EEPD1: variants seen among roughly 807,000 people sequenced by gnomAD.
The protein encoded by EEPD1 is endonuclease/exonuclease/phosphatase family domain-containing protein 1.
In EEPD1, 17 loss-of-function variants were observed where a neutral mutation model predicts 46.3. The ratio of observed to expected loss-of-function variants is 0.37; its 90% CI spans 0.25 to 0.55. The LOEUF (loss-of-function observed/expected upper bound fraction) is 0.55, where lower values mean the gene tolerates loss of function less well. Ranked by LOEUF, EEPD1 falls within the 20% of genes least tolerant of loss-of-function variation. The pLI, the probability that EEPD1 is intolerant of heterozygous loss-of-function variation, is 0.83. For missense variants in EEPD1, 673 were observed against 745.6 expected (o/e 0.90, Z 1.13); for synonymous variants, 313 against 315.6 (o/e 0.99, Z 0.09).
In EEPD1 at chr7:36,292,379, G is replaced by C. The variant is rs770631688; in HGVS notation, c.1315+4602G>C. Among the ~76,000 whole-genome samples the C allele has an allele frequency of 8.5e-3, 1,187 of 139,904 alleles. 8 individuals are homozygous for C. Among genetic ancestry groups the C allele is most frequent in the Non-Finnish European group, 0.012 (747 of 62,832 alleles). 91.8% of individuals were successfully genotyped at this position (139,904 alleles called of 152,430 possible). A position where few individuals can be genotyped will look rare whatever the true frequency, so the allele number is the denominator to read the frequency against. On this transcript the variant is annotated intron_variant, in intron 6 of 7. Transcript: ENST00000242108. ...TTTTTCTTTTCTTTTCTTTTGTTTT[G>C]TTTTCTTTTCTTTTCTTTCTTTCTT...
Position 36,248,320 on chromosome 7 carries a change from C to CA in EEPD1, c.930+9284_930+9285insA, listed in dbSNP as rs1786674348. ...CCTGAGCTCAAGCGATTTTACCCCC[C>CA]TCAGCCTCCCGACTAGCTGGAATTA... On this transcript the variant is annotated intron_variant, in intron 3 of 7. Coordinates refer to ENST00000242108, the MANE Select transcript of EEPD1 (RefSeq NM_030636.3). Among the ~76,000 whole-genome samples, 3 of 151,884 alleles carry CA rather than the reference C, an allele frequency of 2.0e-5. No individual in the cohort carries two copies. In the South Asian group the frequency reaches 6.2e-4, roughly 32 times the overall value.
At chr7:36,214,766 G>A (rs779467498) in intron 2 of EEPD1, among the ~76,000 whole-genome samples, 2 of 152,190 alleles carry the variant, frequency 1.3e-5, no homozygotes, top group African/African-American at 2.4e-5. Flanking sequence ...TGACATTGAC[G>A]CAGGAGCTTC....
chr7:36,284,964 C>A, intron 5 of EEPD1, 144 bp downstream of exon 5: 1 of 1,177,892 alleles, frequency 8.5e-7, no homozygotes, highest in South Asian at 1.9e-5. Flanking sequence ...ATTTTTGTCT[C>A]TCCTGGGGCT....
At chr7:36,262,421 A>G (rs1267708721) in intron 3 of EEPD1, among the ~76,000 whole-genome samples, 1 of 152,218 alleles carries the variant, frequency 6.6e-6, no homozygotes, top group African/African-American at 2.4e-5. Flanking sequence ...GCAAGAGTGA[A>G]AGTTTATTAA....
Position 36,193,078 on chromosome 7 carries a change from G to T in EEPD1, c.878+37876G>T, listed in dbSNP as rs1785486863. 6.6e-6 allele frequency among the ~76,000 whole-genome samples: 1 copy of T among 152,216 alleles called. No homozygotes were observed. The highest frequency in any genetic ancestry group is 6.5e-5 in the Admixed American group (1 of 15,288). Reference sequence around the variant, plus strand: ...GCTGGAAGCTGCTGGGTGCTAGTCTGCACTGAAGAACCCCCAGCCCAGTGG... The same window carrying T: ...GCTGGAAGCTGCTGGGTGCTAGTCTTCACTGAAGAACCCCCAGCCCAGTGG... On this transcript the variant is annotated intron_variant, in intron 2 of 7. Coordinates refer to ENST00000242108, the MANE Select transcript of EEPD1 (RefSeq NM_030636.3). This position sits in a 1 kb window ranked among gnomAD's most constrained non-coding sequence, Gnocchi z 4.9.
rs1293768311 is a variant in EEPD1 at position 36,300,093 on chromosome 7, CCACT to C, written c.*893_*896del. 6.6e-6 allele frequency: 1 copy of C among 152,362 alleles called. No homozygotes were observed. The highest frequency in any genetic ancestry group is 2.4e-5 in the African/African-American group (1 of 41,464). The allele number at this position is 152,362 out of a possible 1,614,324, so 9.4% of individuals were successfully genotyped here. On this transcript the variant is annotated 3_prime_UTR_variant, in exon 8 of 8. Coordinates refer to ENST00000242108, the MANE Select transcript of EEPD1 (RefSeq NM_030636.3). The stretch of plus-strand genomic sequence containing the variant: ...GGTGGTATCACCTCCTCCCTCCTCC[CCACT>C]CACTCCAGTTTTTAGCCCGGAGCCT...
intron 2 of EEPD1, among the ~76,000 whole-genome samples, chr7:36,224,168 GA>G (rs34547126): frequency 6.6e-6 from 1 of 152,114 alleles, no homozygotes; most frequent in African/African-American, 2.4e-5. Context: ...TTGCTGTTGG[GA>G]AAAAAAGCTT....
chr7:36,265,673 A>G (rs1293397458), intron 3 of EEPD1, among the ~76,000 whole-genome samples: 3 of 152,038 alleles, frequency 2.0e-5, no homozygotes, highest in Non-Finnish European at 2.9e-5. Flanking sequence ...AGGGGTAAAC[A>G]TGCTCCTACT....
At chr7:36,271,310 C>A (rs961479329) in intron 3 of EEPD1, among the ~76,000 whole-genome samples, 1 of 151,984 alleles carries the variant, frequency 6.6e-6, no homozygotes, top group African/African-American at 2.4e-5. Context: ...TTCTAACTGG[C>A]ATGAGATGGT....
chr7:36,215,800 C>A (rs1018821017), intron 2 of EEPD1, among the ~76,000 whole-genome samples: 1 of 152,204 alleles, frequency 6.6e-6, no homozygotes, highest in Non-Finnish European at 1.5e-5. Context: ...CTCTGGGAGA[C>A]CCTGCTCCCC....
chr7:36,219,806 A>AGAGAGAGAGTGTGTGT (rs1341203087), intron 2 of EEPD1, among the ~76,000 whole-genome samples: 187 of 75,436 alleles, frequency 2.5e-3, no homozygotes, highest in Non-Finnish European at 4.0e-3. Context: ...AGAGAGAGAG[A>AGAGAGAGAGTGTGTGT]GTGTGTGTGT....
At chr7:36,163,741 G>A (rs1784939095) in intron 2 of EEPD1, among the ~76,000 whole-genome samples, 1 of 152,090 alleles carries the variant, frequency 6.6e-6, no homozygotes, top group Non-Finnish European at 1.5e-5. Flanking sequence ...AGCCAGGCGT[G>A]GTGGCGGGCA....
chr7:36,195,928 A>G (rs573334303), intron 2 of EEPD1, among the ~76,000 whole-genome samples: 3 of 152,308 alleles, frequency 2.0e-5, no homozygotes, highest in Admixed American at 6.5e-5. Flanking sequence ...CGATTTCTTC[A>G]TTGTGCAAAC....
At chr7:36,266,400 G>C (rs1373169892) in intron 3 of EEPD1, among the ~76,000 whole-genome samples, 1 of 152,080 alleles carries the variant, frequency 6.6e-6, no homozygotes, top group Admixed American at 6.5e-5. Flanking sequence ...CCTCCCCAGG[G>C]CAGGGCACTG....
chr7:36,183,888 T>TTTTTTTG (rs3053348), intron 2 of EEPD1, among the ~76,000 whole-genome samples: 2 of 135,418 alleles, frequency 1.5e-5, no homozygotes, highest in Non-Finnish European at 3.3e-5. Flanking sequence ...TTTTTTTTTT[T>TTTTTTTG]ATTTTTAAAA....
rs557711758 is a variant in EEPD1, at chr7:36,195,804, T to C, written c.878+40602T>C. Among the ~76,000 whole-genome samples, 90 of 152,362 alleles carry C rather than the reference T, an allele frequency of 5.9e-4. 1 individual carries two copies. Among genetic ancestry groups the C allele is most frequent in the African/African-American group, 2.0e-3 (84 of 41,582 alleles). ...ATGTGAGATGTGCATATTAATTCAT[T>C]TGATTTCACCATAACACAATGTATA... On this transcript the variant is annotated intron_variant, in intron 2 of 7. Transcript: ENST00000242108.
chr7:36,282,598 T>C (rs988584095), intron 4 of EEPD1, among the ~76,000 whole-genome samples: 3 of 152,246 alleles, frequency 2.0e-5, no homozygotes, highest in African/African-American at 4.8e-5. Flanking sequence ...CCTCAATTCC[T>C]TCATCTGTAA....
intron 2 of EEPD1, among the ~76,000 whole-genome samples, chr7:36,212,968 C>T (rs1785962074): frequency 1.3e-5 from 2 of 152,018 alleles, no homozygotes; most frequent in African/African-American, 2.4e-5. Flanking sequence ...GCCTGGCCAA[C>T]ATGATGAAAC....
At chr7:36,172,698 C>T (rs1257611315) in intron 2 of EEPD1, among the ~76,000 whole-genome samples, 1 of 137,092 alleles carries the variant, frequency 7.3e-6, no homozygotes, top group African/African-American at 2.7e-5. Context: ...GACAATTCTT[C>T]TTCCATTGTG....
Sources: allele counts gnomAD v4.1 joint callset (sites outside exome capture counted in the v4.1 genomes callset), GRCh38; gene constraint gnomAD v4.1.1; non-coding constraint Gnocchi (gnomAD v3.1); transcripts MANE v1.5; gene names NCBI Gene and HGNC (gene_info 2026-07-23, HGNC 2026-07-21).